Variants in FUT8 observed in about 807,000 individuals in gnomAD.
FUT8 encodes the protein fucosyltransferase 8.
Under a neutral mutation model 71.3 loss-of-function variants are expected in FUT8, and 29 were observed. The ratio of observed to expected loss-of-function variants is 0.41; its 90% CI spans 0.30 to 0.55. The LOEUF (loss-of-function observed/expected upper bound fraction) is 0.55. FUT8 is among the 20% of genes least tolerant of loss of function. FUT8 has a pLI of 0.34. For synonymous variants in FUT8, 254 were observed against 239.3 expected (o/e 1.06, Z -0.57); for missense variants, 544 against 702.1 (o/e 0.77, Z 2.55).
chr14:65,400,165 T>C, the FUT8 span, among the ~76,000 whole-genome samples: 3 of 152,244 alleles, frequency 2.0e-5, no homozygotes, highest in Admixed American at 2.0e-4. Flanking sequence ...TTTCTTTTTC[T>C]TTTGTTTTCA....
At chr14:65,560,010 A>G (rs1885819843) in intron 2 of FUT8, among the ~76,000 whole-genome samples, 1 of 152,124 alleles carries the variant, frequency 6.6e-6, no homozygotes, top group African/African-American at 2.4e-5. Flanking sequence ...CATTAAGGTA[A>G]ATGTTGTAGG....
chr14:65,742,035 G>A (rs1896528461), intron 10 of FUT8, 58 bp from the exon 11 acceptor site: 3 of 1,449,108 alleles, frequency 2.1e-6, no homozygotes, highest in Admixed American at 1.9e-5. Context: ...AGGGCTTTTA[G>A]ATTGCTGTGA....
chr14:65,662,591 C>T (rs751023377), intron 6 of FUT8, among the ~76,000 whole-genome samples: 2 of 152,122 alleles, frequency 1.3e-5, no homozygotes, highest in Non-Finnish European at 2.9e-5. Flanking sequence ...TCAAAAAGAA[C>T]ACACACATAC....
chr14:65,367,090 G>T, the FUT8 span, among the ~76,000 whole-genome samples: 1 of 152,218 alleles, frequency 6.6e-6, no homozygotes, highest in Admixed American at 6.5e-5. Context: ...TTTGGAGCTG[G>T]CCAGAGGGGT....
At chr14:65,681,352 T>G (rs1480307898) in intron 7 of FUT8, among the ~76,000 whole-genome samples, 2 of 152,230 alleles carry the variant, frequency 1.3e-5, no homozygotes, top group African/African-American at 2.4e-5. Context: ...GCAAATGAAG[T>G]AATAGGCATG....
At chr14:65,636,536 G>C (rs901335071) in intron 6 of FUT8, 1 of 152,028 alleles carries the variant, frequency 6.6e-6, no homozygotes, top group African/African-American at 2.4e-5. Flanking sequence ...GGTTATGGTA[G>C]GATTTGTCGT....
chr14:65,582,652 C>A (rs1332604819), intron 3 of FUT8, among the ~76,000 whole-genome samples: 1 of 152,306 alleles, frequency 6.6e-6, no homozygotes, highest in East Asian at 1.9e-4. Context: ...TGGCCTGCTC[C>A]TGTCATTGTA....
chr14:65,671,525 A>G (rs1046206449), intron 7 of FUT8, among the ~76,000 whole-genome samples: 2 of 152,150 alleles, frequency 1.3e-5, no homozygotes, highest in African/African-American at 4.8e-5. Context: ...TAGCACATTC[A>G]CTTGTACATA....
At position 65,568,383 on chromosome 14, in the gene FUT8, T is replaced by C. The variant is rs1253103581; in HGVS notation, c.203+6617T>C. Among the ~76,000 whole-genome samples the C allele has an allele frequency of 2.6e-5, 4 of 151,706 alleles. No individual in the cohort carries two copies. The East Asian group carries it at 7.7e-4, about 29-fold the overall frequency. ...GCTTTTTTTTTCTTTATTGTATATC[T>C]GTTTTCTATTTTATTTTCTTTTATG... is the stretch of plus-strand genomic sequence containing the variant. On this transcript the variant is annotated intron_variant, in intron 3 of 10. Coordinates refer to ENST00000673929, the MANE Select transcript of FUT8 (RefSeq NM_001371533.1).
rs1357838320 is a variant in FUT8, at chr14:65,413,496, C to A, written c.-326+282C>A. Among the ~76,000 whole-genome samples the A allele has an allele frequency of 1.3e-5, 2 of 151,656 alleles. No homozygotes were observed. Among genetic ancestry groups the A allele is most frequent in the African/African-American group, 4.9e-5 (2 of 41,218 alleles). On this transcript the variant is annotated intron_variant, in intron 1 of 10. Transcript: ENST00000673929. The surrounding 1 kb of genome is among the most constrained non-coding windows in gnomAD (Gnocchi z 4.1). ...TGCGCCGCTGCTGCCCTCGGCGTCG[C>A]GCATCCTTGCCTAGGGCAGGGGCCA...
At position 65,611,197 on chromosome 14, in the gene FUT8, ACGCGCGCGCGCGCGCGCGCGCGCG is replaced by A. The variant is rs112404723; in HGVS notation, c.204-4777_204-4754del. ...TTTTAAGTGTCATACACACACACAC[ACGCGCGCGCGCGCGCGCGCGCGCG>A]CGCACACACACACACACACACACAC... On this transcript the variant is annotated intron_variant, in intron 3 of 10. Coordinates refer to ENST00000673929, the MANE Select transcript of FUT8 (RefSeq NM_001371533.1). 3.4e-4 allele frequency among the ~76,000 whole-genome samples: 21 copies of A among 61,378 alleles called. 3 individuals carry two copies. Among genetic ancestry groups the A allele is most frequent in the African/African-American group, 1.3e-3 (17 of 13,594 alleles). The allele number at this position is 61,378 out of a possible 152,430, so 40.3% of individuals were successfully genotyped here.
chr14:65,371,946 A>G, the FUT8 span, among the ~76,000 whole-genome samples: 1 of 152,250 alleles, frequency 6.6e-6, no homozygotes, highest in East Asian at 1.9e-4. Context: ...TTACATCTCT[A>G]GTTTTCTATT....
rs766944077 is a variant in FUT8 at position 65,652,331 on chromosome 14, T to A, written c.598-16912T>A. On this transcript the variant is annotated intron_variant, in intron 6 of 10. Coordinates refer to ENST00000673929, the MANE Select transcript of FUT8 (RefSeq NM_001371533.1). The surrounding 1 kb of genome is among the most constrained non-coding windows in gnomAD (Gnocchi z 4.0). ...GGCTGTGCGATTTGCTCCTGGTTGA[T>A]TCAATATAAGAGGAAGTTGGCTGGT... 6.6e-6 allele frequency among the ~76,000 whole-genome samples: 1 copy of A among 152,196 alleles called. No homozygotes were observed. Among genetic ancestry groups the A allele is most frequent in the Non-Finnish European group, 1.5e-5 (1 of 68,024 alleles).
intron 6 of FUT8, among the ~76,000 whole-genome samples, chr14:65,650,749 G>A (rs970629502): frequency 1.4e-5 from 2 of 147,012 alleles, no homozygotes; most frequent in African/African-American, 5.1e-5. Context: ...CCACAAACTT[G>A]TAATTTCCTA....
chr14:65,677,154 G>GCGCA (rs57437203), intron 7 of FUT8, among the ~76,000 whole-genome samples: 20 of 109,334 alleles, frequency 1.8e-4, no homozygotes, highest in Admixed American at 3.6e-4. Context: ...GTGTGTGTGC[G>GCGCA]CGCGCGCATG....
At chr14:65,728,207 G>C (rs1452032568) in intron 9 of FUT8, among the ~76,000 whole-genome samples, 2 of 152,092 alleles carry the variant, frequency 1.3e-5, no homozygotes, top group African/African-American at 4.8e-5. Context: ...ACATTTTCAG[G>C]TATCTTTTCA....
At chr14:65,558,934 CTCAAG>C (rs1367147742) in intron 2 of FUT8, among the ~76,000 whole-genome samples, 1 of 151,996 alleles carries the variant, frequency 6.6e-6, no homozygotes, top group Non-Finnish European at 1.5e-5. Flanking sequence ...CTTTTTAAAA[CTCAAG>C]TATTATCAAT....
intron 3 of FUT8, among the ~76,000 whole-genome samples, chr14:65,577,908 A>C (rs1886879773): frequency 6.6e-6 from 1 of 152,126 alleles, no homozygotes; most frequent in African/African-American, 2.4e-5. Flanking sequence ...GATGCTTCTA[A>C]ATATGGGAAT....
intron 2 of FUT8, among the ~76,000 whole-genome samples, chr14:65,526,968 C>T (rs1195611054): frequency 1.3e-5 from 2 of 152,092 alleles, no homozygotes; most frequent in African/African-American, 4.8e-5. Flanking sequence ...GTGGGTAACC[C>T]GACCTTTCTC....
Sources: allele counts gnomAD v4.1 joint callset (sites outside exome capture counted in the v4.1 genomes callset), GRCh38; gene constraint gnomAD v4.1.1; non-coding constraint Gnocchi (gnomAD v3.1); transcripts MANE v1.5; gene names NCBI Gene and HGNC (gene_info 2026-07-23, HGNC 2026-07-21).